Variants in ABCD3 observed in about 807,000 individuals in gnomAD.
ABCD3 encodes the protein ATP binding cassette subfamily D member 3.
A neutral mutation model predicts 105.5 loss-of-function variants in ABCD3; 41 were observed. The observed-to-expected ratio is 0.39, with a 90% CI of 0.30 to 0.50. The LOEUF (loss-of-function observed/expected upper bound fraction) is 0.50. Ranked by LOEUF, ABCD3 falls within the 20% of genes least tolerant of loss-of-function variation. ABCD3 has a pLI of 0.84. For missense variants in ABCD3, 622 were observed against 806.3 expected (o/e 0.77, Z 2.77); for synonymous variants, 258 against 269.0 (o/e 0.96, Z 0.40).
intron 1 of ABCD3, among the ~76,000 whole-genome samples, chr1:94,441,426 T>A (rs1387390994): frequency 2.0e-5 from 3 of 151,874 alleles, no homozygotes; most frequent in Non-Finnish European, 4.4e-5. Flanking sequence ...AGGTGCAGCC[T>A]TTGTGGAGGG....
Position 94,424,446 on chromosome 1 carries a change from G to A in ABCD3, c.110+5858G>A, listed in dbSNP as rs1659388338. Among the ~76,000 whole-genome samples, 8 of 151,476 alleles carry A rather than the reference G, an allele frequency of 5.3e-5. No homozygotes were observed. In the South Asian group the frequency reaches 1.7e-3, roughly 32 times the overall value. On this transcript the variant is annotated intron_variant, in intron 1 of 22. Coordinates refer to ENST00000370214, the MANE Select transcript of ABCD3 (RefSeq NM_002858.4). ...TTTATTTATTTATTTATTTTGAGAC[G>A]GGGTCTCACTCTCTCACCCATGCTG... is the stretch of plus-strand genomic sequence containing the variant.
At chr1:94,515,710 T>A (rs1354131844) in intron 22 of ABCD3, among the ~76,000 whole-genome samples, 1 of 152,016 alleles carries the variant, frequency 6.6e-6, no homozygotes, top group African/African-American at 2.4e-5. Context: ...TATTACTTAT[T>A]CTGGTGCTTC....
intron 3 of ABCD3, among the ~76,000 whole-genome samples, chr1:94,467,298 T>C (rs1252101247): frequency 6.6e-6 from 1 of 152,160 alleles, no homozygotes; most frequent in Non-Finnish European, 1.5e-5. Flanking sequence ...CATAACTGTC[T>C]TTTGCTACCC....
intron 4 of ABCD3, among the ~76,000 whole-genome samples, chr1:94,472,471 CTG>C (rs1648533471): frequency 1.4e-5 from 2 of 140,830 alleles, no homozygotes; most frequent in African/African-American, 5.3e-5. Flanking sequence ...TTTTTTTTAA[CTG>C]TTTTACTTTT....
intron 1 of ABCD3, among the ~76,000 whole-genome samples, chr1:94,421,980 C>T (rs1659275769): frequency 6.6e-6 from 1 of 152,178 alleles, no homozygotes; most frequent in Non-Finnish European, 1.5e-5. Flanking sequence ...TACAAACTTT[C>T]TGTATTCATG....
At chr1:94,455,712 T>A (rs2100952049) in intron 1 of ABCD3, 1 of 567,178 alleles carries the variant, frequency 1.8e-6, no homozygotes, top group African/African-American at 1.9e-5. Flanking sequence ...TTATAAGATG[T>A]CATGGTTCCC....
chr1:94,493,764 TAA>T (rs1171459116), intron 16 of ABCD3, among the ~76,000 whole-genome samples: 1 of 151,928 alleles, frequency 6.6e-6, no homozygotes, highest in African/African-American at 2.4e-5. Flanking sequence ...TATGCAGCCA[TAA>T]AAAAATGATG....
intron 16 of ABCD3, among the ~76,000 whole-genome samples, chr1:94,496,316 C>T (rs2101036272): frequency 6.6e-6 from 1 of 152,282 alleles, no homozygotes; most frequent in Admixed American, 6.5e-5. Flanking sequence ...CTCTAGGAAT[C>T]ACATATAAGT....
At chr1:94,484,943 G>T (rs536941890) in intron 10 of ABCD3, among the ~76,000 whole-genome samples, 3 of 152,220 alleles carry the variant, frequency 2.0e-5, no homozygotes, top group Admixed American at 1.3e-4. Flanking sequence ...TCCATAAAGG[G>T]CAAGATAGTA....
At chr1:94,489,232 C>T (rs1446477749) in intron 13 of ABCD3, among the ~76,000 whole-genome samples, 1 of 152,096 alleles carries the variant, frequency 6.6e-6, no homozygotes, top group African/African-American at 2.4e-5. Flanking sequence ...TCTTTCCCCT[C>T]TTCAGAGTAA....
chr1:94,406,987 T>C, the ABCD3 span: 16 of 152,092 alleles, frequency 1.1e-4, no homozygotes, highest in Admixed American at 1.0e-3. Context: ...TTGATGTTTA[T>C]TTTCCCCTAT....
chr1:94,420,268 C>T (rs968773986), intron 1 of ABCD3, among the ~76,000 whole-genome samples: 3 of 152,302 alleles, frequency 2.0e-5, no homozygotes, highest in Middle Eastern at 6.8e-3. Flanking sequence ...TGCCCCCATC[C>T]AGTCACAGTC....
At chr1:94,442,210 C>T (rs1055480964) in intron 1 of ABCD3, among the ~76,000 whole-genome samples, 1 of 152,140 alleles carries the variant, frequency 6.6e-6, no homozygotes, top group Non-Finnish European at 1.5e-5. Flanking sequence ...GCAATCATAT[C>T]AGAATTAAAA....
At chr1:94,394,348 T>C in the ABCD3 span, among the ~76,000 whole-genome samples, 58 of 152,278 alleles carry the variant, frequency 3.8e-4, no homozygotes, top group African/African-American at 1.3e-3. Flanking sequence ...AAAACAATGG[T>C]GGTGTGCCAT....
intron 1 of ABCD3, among the ~76,000 whole-genome samples, chr1:94,446,547 G>A (rs925715488): frequency 6.6e-6 from 1 of 152,230 alleles, no homozygotes; most frequent in Non-Finnish European, 1.5e-5. Flanking sequence ...TGTGCCGTAT[G>A]TGGAAATGGG....
chr1:94,473,512 T>G (rs1415556695), intron 4 of ABCD3, among the ~76,000 whole-genome samples: 2 of 152,136 alleles, frequency 1.3e-5, no homozygotes, highest in Non-Finnish European at 2.9e-5. Context: ...AAGCAGCCAT[T>G]TTTACTAAGA....
chr1:94,502,777 T>C (rs1050315135), intron 20 of ABCD3, among the ~76,000 whole-genome samples: 17 of 152,222 alleles, frequency 1.1e-4, no homozygotes, highest in Admixed American at 3.3e-4. Context: ...TGGGATTTCA[T>C]GCGTGAGCCG....
chr1:94,495,387 T>C (rs1649747979), intron 16 of ABCD3, among the ~76,000 whole-genome samples: 1 of 152,180 alleles, frequency 6.6e-6, no homozygotes, highest in African/African-American at 2.4e-5. Flanking sequence ...TAATTTTCAG[T>C]AAATGTTACT....
intron 20 of ABCD3, among the ~76,000 whole-genome samples, chr1:94,501,471 A>C (rs1302322105): frequency 6.6e-6 from 1 of 152,150 alleles, no homozygotes; most frequent in Non-Finnish European, 1.5e-5. Context: ...AACGTTGGTG[A>C]AATTAGGTAA....
Sources: allele counts gnomAD v4.1 joint callset (sites outside exome capture counted in the v4.1 genomes callset), GRCh38; gene constraint gnomAD v4.1.1; transcripts MANE v1.5; gene names NCBI Gene and HGNC (gene_info 2026-07-23, HGNC 2026-07-21).